SORBS2: variants seen among roughly 807,000 people sequenced by gnomAD.
The protein encoded by SORBS2 is sorbin and SH3 domain-containing protein 2.
A neutral mutation model predicts 97.7 loss-of-function variants in SORBS2; 46 were observed. The observed-to-expected ratio is 0.47, with a 90% CI of 0.37 to 0.60. The LOEUF is 0.60. Among genes scored for constraint, SORBS2 ranks in the 20% least tolerant of loss-of-function variants. The pLI is 0.00. For synonymous variants in SORBS2, 476 were observed against 473.4 expected (o/e 1.01, Z -0.07); for missense variants, 1,316 against 1,282.3 (o/e 1.03, Z -0.40).
chr4:185,840,491 T>C (rs1227151938), intron 1 of SORBS2, among the ~76,000 whole-genome samples: 2 of 152,200 alleles, frequency 1.3e-5, no homozygotes, highest in African/African-American at 2.4e-5. Flanking sequence ...AACCTGTCTG[T>C]AGAATATCTG....
intron 2 of SORBS2, among the ~76,000 whole-genome samples, chr4:185,726,999 T>G (rs986954088): frequency 3.3e-5 from 5 of 152,188 alleles, no homozygotes; most frequent in Non-Finnish European, 7.3e-5. Context: ...GAGAATCAAC[T>G]ACAGTGTAAA....
intron 2 of SORBS2, among the ~76,000 whole-genome samples, chr4:185,689,793 T>C (rs1003571852): frequency 1.1e-4 from 16 of 152,346 alleles, no homozygotes; most frequent in African/African-American, 3.8e-4. Context: ...TACTCTGCCA[T>C]GGCGCGACGG....
intron 2 of SORBS2, chr4:185,771,730 T>C (rs1333486868): frequency 1.3e-5 from 2 of 152,216 alleles, no homozygotes; most frequent in African/African-American, 2.4e-5. Flanking sequence ...TATCTATGTA[T>C]CTCACCAAAG....
At chr4:185,690,435 T>C in intron 2 of SORBS2, 127 bp downstream of exon 4, 1 of 512,248 alleles carries the variant, frequency 2.0e-6, no homozygotes, top group East Asian at 3.0e-5. Flanking sequence ...AATGAATCTA[T>C]GCTATGTATC....
At chr4:185,611,953 C>A in exon 12 of SORBS2, 1 of 1,611,706 alleles carries the variant, frequency 6.2e-7, no homozygotes, top group Non-Finnish European at 8.5e-7. Context: ...TTTTGATCAA[C>A]TCTTTTAAGA....
At chr4:185,886,614 G>A (rs1181240493) in intron 1 of SORBS2, among the ~76,000 whole-genome samples, 1 of 143,172 alleles carries the variant, frequency 7.0e-6, no homozygotes, top group Non-Finnish European at 1.5e-5. Flanking sequence ...GTGGCCTGTG[G>A]CCTGGTCTGG....
chr4:185,897,231 C>T (rs2099245474), intron 1 of SORBS2, among the ~76,000 whole-genome samples: 1 of 152,198 alleles, frequency 6.6e-6, no homozygotes, highest in Non-Finnish European at 1.5e-5. Flanking sequence ...TGGGTAAGAA[C>T]TGGCGATAAA....
intron 1 of SORBS2, among the ~76,000 whole-genome samples, chr4:185,799,267 C>G (rs1447905561): frequency 6.6e-6 from 1 of 152,142 alleles, no homozygotes; most frequent in Non-Finnish European, 1.5e-5. Context: ...ATGAGATTCA[C>G]TTAAAGTTTG....
At chr4:185,662,002 G>A in intron 5 of SORBS2, 102 bp downstream of exon 8, 1 of 1,317,514 alleles carries the variant, frequency 7.6e-7, no homozygotes, top group African/African-American at 1.4e-5. Context: ...GGTCATGAGT[G>A]CTGAGCGCTC....
chr4:185,811,054 G>T (rs1488241125), intron 1 of SORBS2: 2 of 152,078 alleles, frequency 1.3e-5, no homozygotes, highest in Admixed American at 1.3e-4. Flanking sequence ...GCAGATACTC[G>T]GAAAGGAGGT....
At chr4:185,881,524 A>G (rs1212526532) in intron 1 of SORBS2, among the ~76,000 whole-genome samples, 2 of 152,210 alleles carry the variant, frequency 1.3e-5, no homozygotes. Flanking sequence ...AAAGGCATCT[A>G]CAAGTGGTGA....
intron 2 of SORBS2, among the ~76,000 whole-genome samples, chr4:185,767,644 T>C (rs1462792056): frequency 1.3e-5 from 2 of 152,166 alleles, no homozygotes; most frequent in African/African-American, 4.8e-5. Context: ...TTTTACTTTC[T>C]AGGACAAAGT....
chr4:185,865,255 G>T (rs6834169), intron 1 of SORBS2, among the ~76,000 whole-genome samples: 60,611 of 151,986 alleles, frequency 0.4, 12,568 homozygotes, highest in Middle Eastern at 0.47. Flanking sequence ...TAAGAGGTGC[G>T]GTGACAACAG....
At chr4:185,840,817 G>A (rs1007459597) in intron 1 of SORBS2, among the ~76,000 whole-genome samples, 1 of 152,154 alleles carries the variant, frequency 6.6e-6, no homozygotes, top group Non-Finnish European at 1.5e-5. Context: ...AGCTCTGGAA[G>A]ATGTTCACTC....
chr4:185,698,143 T>C (rs1281312909), intron 2 of SORBS2, among the ~76,000 whole-genome samples: 3 of 152,170 alleles, frequency 2.0e-5, no homozygotes, highest in Non-Finnish European at 4.4e-5. Flanking sequence ...TAGCAAATAA[T>C]AGGCATCCTC....
intron 1 of SORBS2, among the ~76,000 whole-genome samples, chr4:185,866,287 C>A (rs1178301605): frequency 6.6e-6 from 1 of 152,186 alleles, no homozygotes; most frequent in African/African-American, 2.4e-5. Flanking sequence ...TACCAGGAAG[C>A]TGAAATGGAG....
chr4:185,759,410 A>G (rs150202124), intron 2 of SORBS2, among the ~76,000 whole-genome samples: 280 of 152,282 alleles, frequency 1.8e-3, no homozygotes, highest in African/African-American at 6.2e-3. Context: ...TGTATCTTGA[A>G]ACAGAACAGA....
intron 1 of SORBS2, among the ~76,000 whole-genome samples, chr4:185,789,174 C>T (rs184228505): frequency 2.6e-5 from 4 of 152,330 alleles, no homozygotes; most frequent in African/African-American, 9.6e-5. Flanking sequence ...TTCAACATTG[C>T]ATTGCTCTTT....
intron 1 of SORBS2, among the ~76,000 whole-genome samples, chr4:185,941,521 T>C (rs2099271989): frequency 6.6e-6 from 1 of 152,220 alleles, no homozygotes; most frequent in African/African-American, 2.4e-5. Context: ...GAGTTCTGCA[T>C]ACCTTTCCAG....
Sources: gnomAD v4.1 joint callset for allele counts (sites outside exome capture counted in the v4.1 genomes callset) on GRCh38, gnomAD v4.1.1 for gene constraint, MANE v1.5 for transcripts, NCBI Gene and HGNC (gene_info 2026-07-23, HGNC 2026-07-21) for gene names.